MAGI2: variants seen among roughly 807,000 people sequenced by gnomAD.
MAGI2 encodes membrane associated guanylate kinase, WW and PDZ domain containing 2.
In MAGI2, 35 loss-of-function variants were observed where a neutral mutation model predicts 133.3. That is an observed-to-expected ratio of 0.26 (90% confidence interval 0.20 to 0.35). The LOEUF is 0.35. MAGI2 is among the 10% of genes least tolerant of loss of function. The pLI is 1.00. For missense variants in MAGI2, 1,636 were observed against 1,863.4 expected, an observed-to-expected ratio of 0.88 and a Z score of 2.25; for synonymous variants, 729 against 710.6, an observed-to-expected ratio of 1.03 and a Z score of -0.41.
intron 1 of MAGI2, among the ~76,000 whole-genome samples, chr7:79,340,106 T>A (rs562398535): frequency 6.6e-6 from 1 of 152,086 alleles, no homozygotes; most frequent in South Asian, 2.1e-4. Context: ...TTTTCAAATA[T>A]TTGTTCTGTT....
At chr7:78,670,218 G>A (rs1814196770) in intron 2 of MAGI2, among the ~76,000 whole-genome samples, 1 of 152,130 alleles carries the variant, frequency 6.6e-6, no homozygotes. Flanking sequence ...AGCAACTTCA[G>A]CAAATTCTCA....
At chr7:79,260,628 A>G (rs1319888628) in intron 1 of MAGI2, among the ~76,000 whole-genome samples, 7 of 152,172 alleles carry the variant, frequency 4.6e-5, no homozygotes, top group Non-Finnish European at 5.9e-5. Context: ...TGATGCCCCA[A>G]TGGAAAACTC....
intron 1 of MAGI2, among the ~76,000 whole-genome samples, chr7:79,359,822 G>A (rs867278870): frequency 3.0e-4 from 45 of 152,068 alleles, no homozygotes; most frequent in African/African-American, 1.0e-3. Flanking sequence ...AAAATAATTT[G>A]TTGCTAGCTG....
At chr7:79,096,478 T>C (rs775295455) in intron 1 of MAGI2, among the ~76,000 whole-genome samples, 4 of 152,194 alleles carry the variant, frequency 2.6e-5, no homozygotes, top group African/African-American at 4.8e-5. Context: ...GGCCTAATCC[T>C]GCCTACAACT....
intron 2 of MAGI2, among the ~76,000 whole-genome samples, 196 bp from the exon 3 acceptor site, chr7:78,627,435 C>A (rs1205664902): frequency 1.3e-5 from 2 of 152,132 alleles, no homozygotes; most frequent in East Asian, 3.9e-4. Flanking sequence ...GTACAAAGCA[C>A]TTTTCTTCAT....
chr7:78,973,893 G>A (rs1482383151), intron 2 of MAGI2, among the ~76,000 whole-genome samples: 1 of 151,670 alleles, frequency 6.6e-6, no homozygotes, highest in African/African-American at 2.4e-5. Context: ...CTCTACTTTT[G>A]AATATCTAAG....
chr7:78,257,762 C>T (rs1793138802), intron 9 of MAGI2, among the ~76,000 whole-genome samples: 1 of 151,924 alleles, frequency 6.6e-6, no homozygotes, highest in Non-Finnish European at 1.5e-5. Flanking sequence ...GAGATTGTGC[C>T]TGACTATGCT....
chr7:78,744,004 G>A (rs1322476162), intron 2 of MAGI2, among the ~76,000 whole-genome samples: 1 of 152,092 alleles, frequency 6.6e-6, no homozygotes, highest in Admixed American at 6.5e-5. Context: ...TAAAGAGCAT[G>A]AGCCTTCTTT....
intron 2 of MAGI2, among the ~76,000 whole-genome samples, chr7:78,719,156 A>T (rs979378255): frequency 6.6e-6 from 1 of 152,190 alleles, no homozygotes; most frequent in Non-Finnish European, 1.5e-5. Flanking sequence ...TATACCTTCT[A>T]TGTGAACCAA....
chr7:78,924,970 CAA>C lies in MAGI2; in HGVS notation c.418+82118_418+82119del, dbSNP rs1026349372. On this transcript the variant is annotated intron_variant, in intron 2 of 21. Transcript: ENST00000354212. ...TGCTCTCCAGGTTGGAGGAATCCTT[CAA>C]AAGTTAGATAGGGAAAGGTGCTTTA... Among the ~76,000 whole-genome samples the C allele has an allele frequency of 7.2e-5, 11 of 151,864 alleles. 1 individual carries two copies. The highest frequency in any genetic ancestry group is 2.7e-4 in the African/African-American group (11 of 41,354).
intron 1 of MAGI2, among the ~76,000 whole-genome samples, chr7:79,036,837 T>A (rs895125708): frequency 1.3e-5 from 2 of 152,200 alleles, no homozygotes; most frequent in Admixed American, 6.5e-5. Flanking sequence ...TTAACATTGG[T>A]GAATCCCCCT....
intron 2 of MAGI2, among the ~76,000 whole-genome samples, chr7:78,674,328 A>G (rs562709125): frequency 2.6e-5 from 4 of 152,202 alleles, no homozygotes; most frequent in African/African-American, 7.2e-5. Flanking sequence ...GAAGAAAACA[A>G]TATTTCTTTG....
At chr7:79,023,660 C>T (rs1809564603) in intron 1 of MAGI2, among the ~76,000 whole-genome samples, 1 of 152,076 alleles carries the variant, frequency 6.6e-6, no homozygotes, top group Non-Finnish European at 1.5e-5. Context: ...AATCAATGTA[C>T]AAAAATCAGT....
intron 21 of MAGI2, among the ~76,000 whole-genome samples, chr7:78,074,901 CAG>C: frequency 6.6e-6 from 1 of 152,342 alleles, no homozygotes; most frequent in African/African-American, 2.4e-5. Context: ...AAAAGGTTAA[CAG>C]AGCAGGCCTG....
intron 2 of MAGI2, among the ~76,000 whole-genome samples, chr7:78,796,748 T>C (rs1293057499): frequency 1.3e-5 from 2 of 152,082 alleles, no homozygotes. Flanking sequence ...TATCAACAAA[T>C]GAATGGATAA....
At chr7:78,795,712 G>C (rs992599938) in intron 2 of MAGI2, among the ~76,000 whole-genome samples, 1 of 152,070 alleles carries the variant, frequency 6.6e-6, no homozygotes, top group Non-Finnish European at 1.5e-5. Flanking sequence ...TGAGCATCTG[G>C]AGGCATCACA....
chr7:78,425,574 A>G (rs1799204299), intron 6 of MAGI2, among the ~76,000 whole-genome samples: 1 of 152,208 alleles, frequency 6.6e-6, no homozygotes. Flanking sequence ...GTCTGCTGAT[A>G]TATAGGGTGA....
At chr7:79,317,487 T>C (rs59620956) in intron 1 of MAGI2, among the ~76,000 whole-genome samples, 8,238 of 152,260 alleles carry the variant, frequency 0.054, 391 homozygotes, top group African/African-American at 0.13. Context: ...CTTAGTAACG[T>C]GTTCCAAAAT....
chr7:79,396,583 C>T (rs1209631005), intron 1 of MAGI2, among the ~76,000 whole-genome samples: 1 of 152,072 alleles, frequency 6.6e-6, no homozygotes, highest in Non-Finnish European at 1.5e-5. Context: ...TTTCCAGTGG[C>T]CCTATACAGC....
Sources: gnomAD v4.1 joint callset for allele counts (sites outside exome capture counted in the v4.1 genomes callset) on GRCh38, gnomAD v4.1.1 for gene constraint, MANE v1.5 for transcripts, NCBI Gene and HGNC (gene_info 2026-07-23, HGNC 2026-07-21) for gene names.